Variants in ZNF365 observed in about 807,000 individuals in gnomAD.
The protein encoded by ZNF365 is zinc finger protein 365.
A neutral mutation model predicts 35.0 loss-of-function variants in ZNF365; 22 were observed. The observed-to-expected ratio is 0.63, with a 90% CI of 0.45 to 0.90. The LOEUF (loss-of-function observed/expected upper bound fraction) is 0.90. Among genes scored for constraint, ZNF365 ranks in the 40% least tolerant of loss-of-function variants. The pLI is 0.00. For missense variants in ZNF365, 448 were observed against 500.3 expected (o/e 0.90, Z 1.00); for synonymous variants, 188 against 196.2 (o/e 0.96, Z 0.35).
rs754005474 is a variant in ZNF365, at chr10:62,376,167, T to G, written c.-13-14T>G. ...TTCAGCCGACTTGTAAACTACCTAT[T>G]TCCCCCCTCCCAGGACTTTTAGAGT... On this transcript the variant is annotated splice_polypyrimidine_tract_variant and intron_variant, in intron 1 of 4. Coordinates refer to ENST00000395254, the MANE Select transcript of ZNF365 (RefSeq NM_014951.3). 10 of 1,611,142 alleles carry G rather than the reference T, an allele frequency of 6.2e-6. No individual in the cohort carries two copies.
At chr10:62,447,127 A>C (rs1840602909) in intron 3 of ZNF365, among the ~76,000 whole-genome samples, 1 of 152,216 alleles carries the variant, frequency 6.6e-6, no homozygotes, top group Non-Finnish European at 1.5e-5. Context: ...GTTGGATAGC[A>C]AGACAGAGAG....
At chr10:62,439,386 CA>C (rs76672246) in intron 3 of ZNF365, among the ~76,000 whole-genome samples, 84,494 of 144,478 alleles carry the variant, frequency 0.58, 25,745 homozygotes, top group Non-Finnish European at 0.7. Flanking sequence ...TCAACTCTAG[CA>C]AAAAAAAAAA....
At chr10:62,416,467 A>G (rs191449993) in intron 3 of ZNF365, among the ~76,000 whole-genome samples, 9 of 152,264 alleles carry the variant, frequency 5.9e-5, no homozygotes, top group Admixed American at 5.2e-4. Context: ...AATGTCTGAT[A>G]TCTCAAATGG....
At chr10:62,476,517 A>C (rs9651303) in intron 4 of ZNF365, among the ~76,000 whole-genome samples, 1 of 152,254 alleles carries the variant, frequency 6.6e-6, no homozygotes, top group African/African-American at 2.4e-5. Flanking sequence ...TGCTCACTAC[A>C]TGACGTCCTA....
At chr10:62,390,504 AT>A (rs1554824025) in intron 3 of ZNF365, among the ~76,000 whole-genome samples, 2 of 152,156 alleles carry the variant, frequency 1.3e-5, no homozygotes, top group African/African-American at 2.4e-5. Context: ...AAAGTTGAAC[AT>A]TTTTTAAAGA....
intron 3 of ZNF365, among the ~76,000 whole-genome samples, chr10:62,440,100 G>A (rs192686979): frequency 6.8e-4 from 103 of 152,226 alleles, no homozygotes; most frequent in South Asian, 4.6e-3. Context: ...CAAAATGCAC[G>A]TATGTCAGAG....
intron 3 of ZNF365, among the ~76,000 whole-genome samples, chr10:62,391,324 C>T (rs1839624741): frequency 6.6e-6 from 1 of 151,860 alleles, no homozygotes; most frequent in African/African-American, 2.4e-5. Context: ...TTTGGTGCAC[C>T]CATCACCCAA....
chr10:62,381,790 G>C (rs1839443724), intron 2 of ZNF365, among the ~76,000 whole-genome samples: 1 of 152,140 alleles, frequency 6.6e-6, no homozygotes, highest in Non-Finnish European at 1.5e-5. Flanking sequence ...TGATCACAAT[G>C]AGAGGACTCT....
At chr10:62,376,096 C>A in intron 1 of ZNF365, 85 bp from the exon 2 acceptor site, 1 of 1,436,040 alleles carries the variant, frequency 7.0e-7, no homozygotes, top group Non-Finnish European at 9.4e-7. Context: ...ACCAAAAAGC[C>A]TCTGCTGTCA....
chr10:62,464,476 A>C (rs1177235055), intron 4 of ZNF365, among the ~76,000 whole-genome samples: 1 of 152,246 alleles, frequency 6.6e-6, no homozygotes, highest in Admixed American at 6.5e-5. Context: ...CCTTGTACAC[A>C]GCCTTACTCA....
At position 62,377,028 on chromosome 10, in the gene ZNF365, C is replaced by G. The variant is rs574743990; in HGVS notation, c.743+92C>G. The G allele has an allele frequency of 2.0e-6, 3 of 1,488,622 alleles. No homozygotes were observed. In the South Asian group the frequency reaches 4.1e-5, roughly 20 times the overall value. The allele number at this position is 1,488,622 out of a possible 1,614,324, so 92.2% of individuals were successfully genotyped here. A position where few individuals can be genotyped will look rare whatever the true frequency, so the allele number is the denominator to read the frequency against. On this transcript the variant is annotated intron_variant, in intron 2 of 4. Transcript: ENST00000395254. ...AAATGCTAAGCAAGGTTGATTTTTG[C>G]TATTTGCAGGTGCCTTGACTGCATT...
intron 4 of ZNF365, among the ~76,000 whole-genome samples, chr10:62,463,256 C>A (rs919292098): frequency 1.3e-5 from 2 of 152,222 alleles, no homozygotes; most frequent in Non-Finnish European, 2.9e-5. Flanking sequence ...TAGGGTTCAA[C>A]TTGAATGGCT....
At position 62,474,217 on chromosome 10, in the gene ZNF365, C is replaced by T. The variant is rs185187715; in HGVS notation, c.982-5659C>T. On this transcript the variant is annotated intron_variant, in intron 4 of 4. Coordinates refer to the ZNF365 transcript ENST00000395255. ...AGAACCCCATGATCATGGCTGGGGCCACCTTCCATGAAAGATATGGCCATC... is the reference window on the plus strand; with the variant it reads ...AGAACCCCATGATCATGGCTGGGGCTACCTTCCATGAAAGATATGGCCATC... Among the ~76,000 whole-genome samples the T allele has an allele frequency of 3.3e-5, 5 of 152,262 alleles. No individual in the cohort carries two copies. The East Asian group carries it at 7.7e-4, about 24-fold the overall frequency.
At chr10:62,446,311 C>T (rs1021946538) in intron 3 of ZNF365, among the ~76,000 whole-genome samples, 2 of 152,120 alleles carry the variant, frequency 1.3e-5, no homozygotes, top group African/African-American at 2.4e-5. Context: ...ACTTTGAACC[C>T]GAGTTCTGCC....
At chr10:62,469,488 G>A (rs558929879) in intron 4 of ZNF365, among the ~76,000 whole-genome samples, 1 of 152,166 alleles carries the variant, frequency 6.6e-6, no homozygotes, top group Non-Finnish European at 1.5e-5. Context: ...TGGACTGAAT[G>A]GCTGGTACCA....
At chr10:62,460,635 T>C (rs1047189095) in intron 4 of ZNF365, among the ~76,000 whole-genome samples, 1 of 152,160 alleles carries the variant, frequency 6.6e-6, no homozygotes, top group African/African-American at 2.4e-5. Flanking sequence ...AATGGTAATA[T>C]GAGACAGATT....
chr10:62,479,212 G>A (rs1182895967), intron 4 of ZNF365, among the ~76,000 whole-genome samples: 1 of 152,172 alleles, frequency 6.6e-6, no homozygotes, highest in African/African-American at 2.4e-5. Flanking sequence ...CTGAATTTTA[G>A]TAGAACTTTG....
intron 4 of ZNF365, among the ~76,000 whole-genome samples, chr10:62,468,215 T>C (rs1840975918): frequency 6.6e-6 from 1 of 152,200 alleles, no homozygotes; most frequent in Non-Finnish European, 1.5e-5. Context: ...ACCACCTTAG[T>C]ATACAGTCAT....
intron 3 of ZNF365, among the ~76,000 whole-genome samples, chr10:62,425,447 C>A (rs1364577628): frequency 1.3e-5 from 2 of 152,102 alleles, no homozygotes; most frequent in Non-Finnish European, 2.9e-5. Flanking sequence ...GATTCCTAAT[C>A]AGTAAGAAAT....
Sources: gnomAD v4.1 joint callset for allele counts (sites outside exome capture counted in the v4.1 genomes callset) on GRCh38, gnomAD v4.1.1 for gene constraint, MANE v1.5 for transcripts, NCBI Gene and HGNC (gene_info 2026-07-23, HGNC 2026-07-21) for gene names.